C14orf132: variants seen among roughly 807,000 people sequenced by gnomAD.
C14orf132 encodes chromosome 14 open reading frame 132, also known as uncharacterized protein C14orf132.
In C14orf132, 6 loss-of-function variants were observed where a neutral mutation model predicts 5.8. That is an observed-to-expected ratio of 1.03 (90% CI 0.57 to 2.04). The LOEUF (loss-of-function observed/expected upper bound fraction) is 2.04, where lower values mean the gene tolerates loss of function less well. Ranked by LOEUF, C14orf132 falls within the 30% of genes most tolerant of loss-of-function variation. C14orf132 has a pLI of 0.00. For missense variants in C14orf132, 125 were observed against 115.8 expected, an observed-to-expected ratio of 1.08 and a Z score of -0.37; for synonymous variants, 51 against 49.8, an observed-to-expected ratio of 1.02 and a Z score of -0.10.
At chr14:96,068,999 C>A (rs1887616625) in intron 1 of C14orf132, among the ~76,000 whole-genome samples, 1 of 151,858 alleles carries the variant, frequency 6.6e-6, no homozygotes, top group South Asian at 2.1e-4. Flanking sequence ...CATTGGTCTT[C>A]TGCTCTCGGA....
chr14:96,068,866 C>G (rs2146938), intron 1 of C14orf132, among the ~76,000 whole-genome samples: 119,108 of 151,876 alleles, frequency 0.78, 47,145 homozygotes, highest in Admixed American at 0.85. Context: ...GTTAGCATTT[C>G]AATCTATGGA....
Position 96,087,072 on chromosome 14 carries a change from G to A in C14orf132, c.*337G>A, listed in dbSNP as rs1053004496. ...AAAACATAGACATGATTTGATGATC[G>A]CTTGCTGGTGGTAAATAATCACTCG... On this transcript the variant is annotated 3_prime_UTR_variant, in exon 2 of 2. Coordinates refer to ENST00000555004, the MANE Select transcript of C14orf132 (RefSeq NM_001252507.3). 4.2e-5 allele frequency: 14 copies of A among 331,006 alleles called. No individual in the cohort carries two copies. The highest frequency in any genetic ancestry group is 6.2e-5 in the Non-Finnish European group (11 of 178,214). 20.5% of individuals were successfully genotyped at this position (331,006 alleles called of 1,614,324 possible).
intron 1 of C14orf132, among the ~76,000 whole-genome samples, chr14:96,085,673 C>T (rs943816443): frequency 2.0e-5 from 3 of 152,182 alleles, no homozygotes; most frequent in African/African-American, 7.2e-5. Flanking sequence ...AGTGTTCATA[C>T]TCATTGACTC....
chr14:96,055,349 T>C (rs1188774031), intron 1 of C14orf132, among the ~76,000 whole-genome samples: 4 of 152,162 alleles, frequency 2.6e-5, no homozygotes, highest in Non-Finnish European at 5.9e-5. Flanking sequence ...ATAATTATCC[T>C]GGTCAGGAAA....
At chr14:96,079,425 C>A (rs1438822129) in intron 1 of C14orf132, among the ~76,000 whole-genome samples, 1 of 152,150 alleles carries the variant, frequency 6.6e-6, no homozygotes, top group Admixed American at 6.5e-5. Flanking sequence ...CCGTCGAAAT[C>A]CCATCACCTT....
Position 96,079,565 on chromosome 14 carries a change from A to G in C14orf132, c.28-6946A>G, listed in dbSNP as rs184912936. On this transcript the variant is annotated intron_variant, in intron 1 of 1. Transcript: ENST00000555004. ...TTGGTGTGCCTAATGTCTGTCTATC[A>G]CTTCCTGGTCTTCCTGGTGCAAGTG... is the stretch of plus-strand genomic sequence containing the variant. Among the ~76,000 whole-genome samples, 57 of 152,126 alleles carry G rather than the reference A, an allele frequency of 3.7e-4. 1 individual carries two copies. Among genetic ancestry groups the G allele is most frequent in the Non-Finnish European group, 1.3e-4 (9 of 67,996 alleles).
chr14:96,050,113 T>C (rs1381132419), intron 1 of C14orf132, among the ~76,000 whole-genome samples: 1 of 152,210 alleles, frequency 6.6e-6, no homozygotes, highest in Non-Finnish European at 1.5e-5. Flanking sequence ...TCTCCTCATA[T>C]GGTTCATATT....
At chr14:96,046,707 A>T (rs1017681996) in intron 1 of C14orf132, among the ~76,000 whole-genome samples, 21 of 152,126 alleles carry the variant, frequency 1.4e-4, no homozygotes, top group African/African-American at 5.1e-4. Flanking sequence ...CTTCTGGGAG[A>T]TACTACATGT....
chr14:96,046,450 G>A (rs1270059083), intron 1 of C14orf132, among the ~76,000 whole-genome samples: 2 of 152,220 alleles, frequency 1.3e-5, no homozygotes, highest in Admixed American at 6.5e-5. Context: ...TTACTAAGGA[G>A]GTAGGCCATG....
At chr14:96,063,302 C>G (rs1323556959) in intron 1 of C14orf132, among the ~76,000 whole-genome samples, 1 of 151,998 alleles carries the variant, frequency 6.6e-6, no homozygotes, top group African/African-American at 2.4e-5. Context: ...ACTGTGGTAT[C>G]CTTTTGTTTG....
At chr14:96,069,183 A>ATATATATATATG (rs1887626678) in intron 1 of C14orf132, among the ~76,000 whole-genome samples, 3 of 134,268 alleles carry the variant, frequency 2.2e-5, no homozygotes, top group African/African-American at 5.5e-5. Context: ...ATATATGTAT[A>ATATATATATATG]TATATATATA....
chr14:96,066,545 T>C (rs568838896), intron 1 of C14orf132, among the ~76,000 whole-genome samples: 123 of 152,274 alleles, frequency 8.1e-4, no homozygotes, highest in African/African-American at 2.8e-3. Context: ...TTACATCAAG[T>C]AGCTCAGTGC....
At position 96,039,526 on chromosome 14, in the gene C14orf132, A is replaced by G. The variant is rs1032049445; in HGVS notation, c.26A>G (p.Gln9Arg). The G allele has an allele frequency of 1.1e-5, 17 of 1,504,130 alleles. No individual in the cohort carries two copies. The highest frequency in any genetic ancestry group is 1.4e-5 in the Non-Finnish European group (16 of 1,130,316). The allele number at this position is 1,504,130 out of a possible 1,614,324, so 93.2% of individuals were successfully genotyped here. Reference protein sequence around the residue: MDLSFMAAQLPMMGGAFMD... With the variant: MDLSFMAARLPMMGGAFMD... Reference sequence around the variant, plus strand: ...ATGGATCTCTCCTTTATGGCCGCGCAGGTAACGGGGCGTCCCCCCCACGCG... The same window carrying G: ...ATGGATCTCTCCTTTATGGCCGCGCGGGTAACGGGGCGTCCCCCCCACGCG... The change falls in exon 1 of 2, where the codon CAG becomes CGG. Residue 9 changes from glutamine to arginine, a missense_variant and splice_region_variant. Transcript: ENST00000555004. This position sits in a 1 kb window ranked among gnomAD's most constrained non-coding sequence, Gnocchi z 5.3.
intron 1 of C14orf132, among the ~76,000 whole-genome samples, chr14:96,081,971 A>G (rs1888044172): frequency 6.6e-6 from 1 of 152,110 alleles, no homozygotes; most frequent in Admixed American, 6.5e-5. Flanking sequence ...ATAGGGAAAC[A>G]AGCCCCCCTC....
intron 1 of C14orf132, among the ~76,000 whole-genome samples, chr14:96,044,473 C>T (rs1886781769): frequency 1.3e-5 from 2 of 152,232 alleles, no homozygotes; most frequent in Admixed American, 6.5e-5. Flanking sequence ...AGCCATTGTA[C>T]CCAGCTGTGT....
At chr14:96,084,149 C>T (rs2139682789) in intron 1 of C14orf132, among the ~76,000 whole-genome samples, 1 of 152,332 alleles carries the variant, frequency 6.6e-6, no homozygotes, top group East Asian at 1.9e-4. Context: ...TGGCTCAGAT[C>T]CCATTCGTGG....
At chr14:96,056,847 C>T (rs747521302) in intron 1 of C14orf132, among the ~76,000 whole-genome samples, 1 of 152,132 alleles carries the variant, frequency 6.6e-6, no homozygotes, top group African/African-American at 2.4e-5. Flanking sequence ...GTAGATGGTG[C>T]CAGCTCCCCA....
chr14:96,086,603 G>C lies in C14orf132; in HGVS notation c.120G>C (p.Ala40=). The C allele has an allele frequency of 6.5e-7, 1 of 1,536,122 alleles. No individual in the cohort carries two copies. ...TTAACTCCTCTGCCAATGTCCACGC[G>C]GCTGCCAATGGCCAGGGCCAGCCGG... is the stretch of plus-strand genomic sequence containing the variant. ...SLFNSSANVH[A]AANGQGQPED... is the part of the protein sequence containing the mutation. The change falls in exon 2 of 2, where the codon GCG becomes GCC. Residue 40 remains alanine, a synonymous_variant. Coordinates refer to ENST00000555004, the MANE Select transcript of C14orf132 (RefSeq NM_001252507.3).
At chr14:96,042,323 A>G (rs1700661598) in intron 1 of C14orf132, among the ~76,000 whole-genome samples, 1 of 152,232 alleles carries the variant, frequency 6.6e-6, no homozygotes. Flanking sequence ...AGAAGTTTGC[A>G]TCTAATCAGT....
Sources: allele counts gnomAD v4.1 joint callset (sites outside exome capture counted in the v4.1 genomes callset), GRCh38; gene constraint gnomAD v4.1.1; non-coding constraint Gnocchi (gnomAD v3.1); transcripts MANE v1.5; gene names NCBI Gene and HGNC (gene_info 2026-07-23, HGNC 2026-07-21).